The following RGS11 variants were observed in gnomAD, a reference collection of about 807,000 sequenced individuals.
RGS11 encodes the protein regulator of G protein signaling 11.
A neutral mutation model predicts 71.1 loss-of-function variants in RGS11; 86 were observed. The observed-to-expected ratio is 1.21, with a 90% CI of 1.02 to 1.45. RGS11 has a LOEUF of 1.45. Ranked by LOEUF, RGS11 falls within the 40% of genes most tolerant of loss-of-function variation. The pLI is 0.00. For synonymous variants in RGS11, 298 were observed against 254.2 expected, an observed-to-expected ratio of 1.17 and a Z score of -1.64; for missense variants, 734 against 635.1, an observed-to-expected ratio of 1.16 and a Z score of -1.67.
At position 273,847 on chromosome 16, in the gene RGS11, C is replaced by T. The variant is rs763379865; in HGVS notation, c.430-11G>A. ...CCGGTCATAGCAGTCCTGGGGGCAG[C>T]GAGGTTTCCAGTGGGTCACCCCGGC... On this transcript the variant is annotated splice_polypyrimidine_tract_variant and intron_variant, in intron 6 of 16. Transcript: ENST00000397770. 11 of 1,613,014 alleles carry T rather than the reference C, an allele frequency of 6.8e-6. No homozygotes were observed. Among genetic ancestry groups the T allele is most frequent in the East Asian group, 4.5e-5 (2 of 44,870 alleles).
At chr16:274,875 A>G in intron 4 of RGS11, 101 bp downstream of exon 4, 2 of 1,474,988 alleles carry the variant, frequency 1.4e-6, no homozygotes, top group Non-Finnish European at 1.8e-6. Context: ...TCCCACTCCA[A>G]TCCCAGCAAG....
chr16:272,335 A>C (rs1484058556), intron 9 of RGS11: 2 of 1,288,768 alleles, frequency 1.6e-6, no homozygotes, highest in Non-Finnish European at 2.0e-6. Context: ...TGTATGGGGA[A>C]ATGTTAGGGT....
At position 275,541 on chromosome 16, in the gene RGS11, A is replaced by T. The variant is rs896070448; in HGVS notation, c.64-43T>A. The T allele has an allele frequency of 4.8e-6, 7 of 1,456,314 alleles. No individual in the cohort carries two copies. In the South Asian group the frequency reaches 6.0e-5, roughly 13 times the overall value. The allele number at this position is 1,456,314 out of a possible 1,614,324, so 90.2% of individuals were successfully genotyped here. ...TCAGGGGGTGTCTGGCCGCCCCGCA[A>T]CCCTGATTCCCTGGCACCGGCCGGG... On this transcript the variant is annotated intron_variant, in intron 1 of 16. Coordinates refer to ENST00000397770, the MANE Select transcript of RGS11 (RefSeq NM_183337.3).
At chr16:271,498 G>A in intron 10 of RGS11, 38 bp from the exon 11 acceptor site, 2 of 1,613,976 alleles carry the variant, frequency 1.2e-6, no homozygotes, top group Non-Finnish European at 1.7e-6. Context: ...CCCGGGCTGG[G>A]GAAGGCACCT....
intron 6 of RGS11, 98 bp from the exon 7 acceptor site, chr16:273,934 G>A (rs995356360): frequency 2.0e-6 from 3 of 1,468,998 alleles, no homozygotes; most frequent in Non-Finnish European, 2.9e-6. Flanking sequence ...GGGTTTTGGG[G>A]CCTGGGCTGT....
intron 8 of RGS11, among the ~76,000 whole-genome samples, 185 bp from the exon 9 acceptor site, chr16:273,116 C>A (rs1004997154): frequency 2.6e-5 from 4 of 152,140 alleles, no homozygotes; most frequent in Admixed American, 1.3e-4. Flanking sequence ...TCCACCGGGC[C>A]TCCCCACAGC....
At position 271,536 on chromosome 16, in the gene RGS11, T is replaced by A. The variant is rs2051941026; in HGVS notation, c.687+4A>T. 1.9e-6 allele frequency: 3 copies of A among 1,613,942 alleles called. No individual in the cohort carries two copies. Among genetic ancestry groups the A allele is most frequent in the Non-Finnish European group, 2.5e-6 (3 of 1,180,000 alleles). On this transcript the variant is annotated splice_donor_region_variant and intron_variant, in intron 10 of 16. Coordinates refer to ENST00000397770, the MANE Select transcript of RGS11 (RefSeq NM_183337.3). ...CACCCTCCACTCCCAGCTCCAGAAC[T>A]TACCTCCCGCTTATGGAAATCTGCA...
intron 9 of RGS11, chr16:272,196 ATAC>A: frequency 1.7e-6 from 2 of 1,168,112 alleles, no homozygotes; most frequent in Non-Finnish European, 2.2e-6. Context: ...TACTTGAGAA[ATAC>A]TACTAATGGG....
chr16:274,688 C>G, intron 4 of RGS11: 1 of 675,334 alleles, frequency 1.5e-6, no homozygotes, highest in South Asian at 1.5e-5. Context: ...GCCTAGGGAC[C>G]CCCAGGAAGA....
Position 275,423 on chromosome 16 carries a change from C to T in RGS11, c.139G>A (p.Val47Ile). 6.2e-7 allele frequency: 1 copy of T among 1,603,698 alleles called. No individual in the cohort carries two copies. The highest frequency in any genetic ancestry group is 8.5e-7 in the Non-Finnish European group (1 of 1,179,128). ...TCACCTGTCACCGCGTGGGGAATGA[C>T]GGTGACCAGCAGGCGCTGGCTCCGC... Reference protein sequence around the residue: ...KMRSQRLLVTVIPHAVTGSDV... With the variant: ...KMRSQRLLVTIIPHAVTGSDV... The change falls in exon 2 of 17, where the codon GTC becomes ATC. Residue 47 changes from valine to isoleucine, a missense_variant. By Grantham distance (29) the Val-to-Ile change is conservative. Coordinates refer to ENST00000397770, the MANE Select transcript of RGS11 (RefSeq NM_183337.3).
chr16:269,263 G>T lies in RGS11; in HGVS notation c.*6C>A. The T allele has an allele frequency of 6.5e-7, 1 of 1,546,564 alleles. No individual in the cohort carries two copies. The highest frequency in any genetic ancestry group is 8.8e-7 in the Non-Finnish European group (1 of 1,140,124). On this transcript the variant is annotated 3_prime_UTR_variant, in exon 17 of 17. Coordinates refer to ENST00000397770, the MANE Select transcript of RGS11 (RefSeq NM_183337.3). ...AGGGACTAGAGTGGCAGATGGGCCA[G>T]GTCCACTAGGCCACCCCATCTCCAC...
intron 3 of RGS11, 44 bp from the exon 4 acceptor site, chr16:275,126 C>A: frequency 6.7e-7 from 1 of 1,490,896 alleles, no homozygotes; most frequent in South Asian, 1.3e-5. Context: ...CGGAAGCGGG[C>A]GAGGGCGGGA....
rs552531494 is a variant in RGS11 at position 274,115 on chromosome 16, G to A, written c.371-14C>T. The stretch of plus-strand genomic sequence containing the variant: ...CCAGGTAGATGGCTGGAAGAACAGG[G>A]ACAGCCTGCAGAGGGGCCAGCTCTG... On this transcript the variant is annotated splice_polypyrimidine_tract_variant and intron_variant, in intron 5 of 16. Coordinates refer to ENST00000397770, the MANE Select transcript of RGS11 (RefSeq NM_183337.3). 1 of 1,555,940 alleles carries A rather than the reference G, an allele frequency of 6.4e-7. No individual in the cohort carries two copies. The highest frequency in any genetic ancestry group is 1.4e-5 in the African/African-American group (1 of 73,308).
At chr16:269,670 T>C in intron 15 of RGS11, 85 bp from the exon 16 acceptor site, 2 of 1,071,840 alleles carry the variant, frequency 1.9e-6, no homozygotes, top group Admixed American at 3.9e-5. Context: ...CAAACATTGC[T>C]GGAGCCTCCT....
In RGS11 at chr16:271,049, C is replaced by T. The variant is rs201188482; in HGVS notation, c.914G>A (p.Arg305Gln). Residue 305 changes from arginine (R) to glutamine (Q), a missense_variant, in exon 13 of 17, where the codon CGG (arginine) becomes CAG (glutamine). Arg to Gln is a conservative substitution (Grantham distance 43). Coordinates refer to ENST00000397770, the MANE Select transcript of RGS11 (RefSeq NM_183337.3). ...CCCCACGGGGTCCTCCAGGAGCTCC[C>T]GGAAGCTGAAGCCCCATCTCTCCAC... is the stretch of plus-strand genomic sequence containing the variant. ...LRVERWGFSF[R>Q]ELLEDPVGRA... is the part of the protein sequence containing the mutation. The T allele has an allele frequency of 4.3e-6, 7 of 1,612,308 alleles. No individual in the cohort carries two copies. The highest frequency in any genetic ancestry group is 5.9e-6 in the Non-Finnish European group (7 of 1,179,928).
chr16:272,307 GCT>G (rs774981027), intron 9 of RGS11: 16 of 1,281,100 alleles, frequency 1.2e-5, no homozygotes, highest in Non-Finnish European at 1.5e-5. Context: ...CTGTGTCCCC[GCT>G]CTCTCTGACC....
At position 271,043 on chromosome 16, in the gene RGS11, A is replaced by G. The variant is rs529587644; in HGVS notation, c.920T>C (p.Leu307Pro). 17 of 1,612,324 alleles carry G rather than the reference A, an allele frequency of 1.1e-5. No individual in the cohort carries two copies. In the East Asian group the frequency reaches 3.1e-4, roughly 30 times the overall value. ...VERWGFSFRE[L>P]LEDPVGRAHF... ...GGCCCGCCCCACGGGGTCCTCCAGG[A>G]GCTCCCGGAAGCTGAAGCCCCATCT... Residue 307 changes from leucine to proline, a missense_variant, in exon 13 of 17, where the codon CTC becomes CCC. Coordinates refer to ENST00000397770, the MANE Select transcript of RGS11 (RefSeq NM_183337.3).
Position 272,862 on chromosome 16 carries a change from C to G in RGS11, c.657+1G>C. The G allele has an allele frequency of 6.5e-7, 1 of 1,542,718 alleles. No individual in the cohort carries two copies. The highest frequency in any genetic ancestry group is 2.0e-5 in the Admixed American group (1 of 50,780). On this transcript the variant is annotated splice_donor_variant, in intron 9 of 16. Coordinates refer to ENST00000397770, the MANE Select transcript of RGS11 (RefSeq NM_183337.3). LOFTEE classifies it high-confidence loss of function. ...CGGCCAGCACGCACGCAGGGGCTCA[C>G]CATGAGCACACGGCTGGCAGCGCAG... is the stretch of plus-strand genomic sequence containing the variant.
Position 269,132 on chromosome 16 carries a change from A to G in RGS11, c.*137T>C, listed in dbSNP as rs1319191093. On this transcript the variant is annotated 3_prime_UTR_variant, in exon 17 of 17. Transcript: ENST00000397770. ...AGGGAGGCTGTGCACCCCACAGAAGACTGGGCCCCCTGGGCACAAGGGGAC... is the reference window on the plus strand; with the variant it reads ...AGGGAGGCTGTGCACCCCACAGAAGGCTGGGCCCCCTGGGCACAAGGGGAC... The G allele has an allele frequency of 1.1e-5, 10 of 902,256 alleles. No individual in the cohort carries two copies. Among genetic ancestry groups the G allele is most frequent in the Admixed American group, 8.1e-5 (4 of 49,628 alleles). 55.9% of individuals were successfully genotyped at this position (902,256 alleles called of 1,614,324 possible). A position where few individuals can be genotyped will look rare whatever the true frequency, so the allele number is the denominator to read the frequency against.
Sources: gnomAD v4.1 joint callset for allele counts (sites outside exome capture counted in the v4.1 genomes callset) on GRCh38, gnomAD v4.1.1 for gene constraint, MANE v1.5 for transcripts, NCBI Gene and HGNC (gene_info 2026-07-23, HGNC 2026-07-21) for gene names.